FAM83B: variants seen among roughly 807,000 people sequenced by gnomAD.
FAM83B encodes protein FAM83B.
A neutral mutation model predicts 38.8 loss-of-function variants in FAM83B; 26 were observed. The ratio of observed to expected loss-of-function variants is 0.67; its 90% CI spans 0.49 to 0.93. The LOEUF is 0.93. Among genes scored for constraint, FAM83B ranks in the 40% least tolerant of loss-of-function variants. FAM83B has a pLI of 0.00. For missense variants in FAM83B, 1,237 were observed against 1,197.3 expected (o/e 1.03, Z -0.49); for synonymous variants, 419 against 423.1 (o/e 0.99, Z 0.12).
chr6:54,912,547 TAA>T (rs1192185944), intron 2 of FAM83B, among the ~76,000 whole-genome samples: 2 of 151,686 alleles, frequency 1.3e-5, no homozygotes, highest in Admixed American at 6.6e-5. Context: ...AAATATTTTC[TAA>T]GTTTTATAAT....
intron 2 of FAM83B, among the ~76,000 whole-genome samples, chr6:54,886,817 T>A (rs1461892007): frequency 6.6e-6 from 1 of 152,068 alleles, no homozygotes; most frequent in Non-Finnish European, 1.5e-5. Context: ...TTTCAGTGTT[T>A]TAGTTTATAA....
At chr6:54,894,000 G>A (rs931963616) in intron 2 of FAM83B, among the ~76,000 whole-genome samples, 3 of 152,244 alleles carry the variant, frequency 2.0e-5, no homozygotes, top group East Asian at 1.9e-4. Flanking sequence ...ATTTTAACCC[G>A]AGTCAGTATG....
rs1272367364 is a variant in FAM83B, at chr6:54,944,913, G to T, written c.*2906G>T. The T allele has an allele frequency of 6.6e-6, 1 of 152,084 alleles. No homozygotes were observed. Among genetic ancestry groups the T allele is most frequent in the Non-Finnish European group, 1.5e-5 (1 of 68,020 alleles). 9.4% of individuals were successfully genotyped at this position (152,084 alleles called of 1,614,324 possible). ...CAACTTGTTAACTTTTCTTTTTTAA[G>T]AGATGGGTTTTCACTAGTATGCCCA... On this transcript the variant is annotated 3_prime_UTR_variant, in exon 5 of 5. Coordinates refer to ENST00000306858, the MANE Select transcript of FAM83B (RefSeq NM_001010872.3).
At chr6:54,892,223 C>G (rs1476346411) in intron 2 of FAM83B, among the ~76,000 whole-genome samples, 1 of 152,122 alleles carries the variant, frequency 6.6e-6, no homozygotes, top group Non-Finnish European at 1.5e-5. Flanking sequence ...CAACAACCTG[C>G]CTTTCTAGAT....
At chr6:54,914,747 A>G (rs1365795879) in intron 2 of FAM83B, among the ~76,000 whole-genome samples, 6 of 152,050 alleles carry the variant, frequency 3.9e-5, no homozygotes, top group African/African-American at 9.7e-5. Context: ...CTAAGCAGCT[A>G]TTCTGATCTT....
intron 2 of FAM83B, among the ~76,000 whole-genome samples, chr6:54,884,335 G>C (rs570051705): frequency 1.5e-5 from 2 of 135,968 alleles, no homozygotes; most frequent in East Asian, 4.8e-4. Flanking sequence ...AATAGAAAAT[G>C]AGCTGGGTGT....
Position 54,939,655 on chromosome 6 carries a change from T to C in FAM83B, c.735-51T>C. 6.1e-6 allele frequency: 9 copies of C among 1,464,532 alleles called. No individual in the cohort carries two copies. In the South Asian group the frequency reaches 7.0e-5, roughly 11 times the overall value. 90.7% of individuals were successfully genotyped at this position (1,464,532 alleles called of 1,614,324 possible). The stretch of plus-strand genomic sequence containing the variant: ...TGATACTTTTTTTAGTAGAACTATA[T>C]GTTATTATCAATCTTTTAAATGATT... On this transcript the variant is annotated intron_variant, in intron 4 of 4. Coordinates refer to ENST00000306858, the MANE Select transcript of FAM83B (RefSeq NM_001010872.3).
At chr6:54,900,892 T>C (rs774369759) in intron 2 of FAM83B, among the ~76,000 whole-genome samples, 7 of 152,220 alleles carry the variant, frequency 4.6e-5, no homozygotes, top group Non-Finnish European at 5.9e-5. Flanking sequence ...TCCACATGTG[T>C]ATCCAATAAA....
intron 2 of FAM83B, among the ~76,000 whole-genome samples, chr6:54,882,291 G>A (rs1490229972): frequency 1.3e-5 from 2 of 152,142 alleles, no homozygotes; most frequent in Non-Finnish European, 2.9e-5. Context: ...AATGACACCA[G>A]TAACAGCTAA....
At chr6:54,887,041 C>T (rs1040777984) in intron 2 of FAM83B, among the ~76,000 whole-genome samples, 1 of 152,214 alleles carries the variant, frequency 6.6e-6, no homozygotes, top group African/African-American at 2.4e-5. Flanking sequence ...TTGAATTATA[C>T]TGTGATCAGA....
chr6:54,854,453 A>AACC (rs762920233), intron 1 of FAM83B, among the ~76,000 whole-genome samples: 27 of 152,218 alleles, frequency 1.8e-4, no homozygotes, highest in Non-Finnish European at 2.8e-4. Context: ...ACCCTTCAGC[A>AACC]ACCACCACCC....
At chr6:54,939,028 G>A (rs1040755161) in intron 4 of FAM83B, among the ~76,000 whole-genome samples, 3 of 152,038 alleles carry the variant, frequency 2.0e-5, no homozygotes, top group East Asian at 1.9e-4. Flanking sequence ...ATCTTGAGTC[G>A]ATTTTTGCTT....
intron 2 of FAM83B, among the ~76,000 whole-genome samples, chr6:54,921,496 T>C (rs977376833): frequency 6.6e-6 from 1 of 151,984 alleles, no homozygotes; most frequent in Admixed American, 6.6e-5. Flanking sequence ...AAAAATGACC[T>C]GGGGTAGCGT....
chr6:54,848,171 A>G (rs368350449), intron 1 of FAM83B, among the ~76,000 whole-genome samples: 10 of 152,280 alleles, frequency 6.6e-5, no homozygotes, highest in African/African-American at 2.4e-4. Context: ...AAACAGAATG[A>G]TGGAAGGTTG....
chr6:54,906,783 AT>A (rs1239785503), intron 2 of FAM83B, among the ~76,000 whole-genome samples: 1 of 152,200 alleles, frequency 6.6e-6, no homozygotes, highest in Non-Finnish European at 1.5e-5. Context: ...TTAATAGATT[AT>A]TTTTAAAAAT....
chr6:54,890,435 A>T (rs1339083943), intron 2 of FAM83B, among the ~76,000 whole-genome samples: 1 of 152,094 alleles, frequency 6.6e-6, no homozygotes, highest in Non-Finnish European at 1.5e-5. Context: ...CAATAGTAAA[A>T]TTCCTGGAGC....
intron 2 of FAM83B, among the ~76,000 whole-genome samples, chr6:54,908,842 C>T (rs962285047): frequency 6.6e-6 from 1 of 152,036 alleles, no homozygotes; most frequent in African/African-American, 2.4e-5. Flanking sequence ...TTCTGGAACC[C>T]CTCAGGTATA....
At chr6:54,859,751 C>T (rs1188477700) in intron 1 of FAM83B, among the ~76,000 whole-genome samples, 3 of 151,960 alleles carry the variant, frequency 2.0e-5, no homozygotes, top group African/African-American at 7.3e-5. Context: ...GGGTCTGTAC[C>T]CATATGGCTT....
At chr6:54,853,986 T>C (rs1771377807) in intron 1 of FAM83B, among the ~76,000 whole-genome samples, 2 of 152,186 alleles carry the variant, frequency 1.3e-5, no homozygotes, top group Admixed American at 1.3e-4. Flanking sequence ...TGATTCTAAC[T>C]CTTGTAGATG....
Sources: allele counts gnomAD v4.1 joint callset (sites outside exome capture counted in the v4.1 genomes callset), GRCh38; gene constraint gnomAD v4.1.1; transcripts MANE v1.5; gene names NCBI Gene and HGNC (gene_info 2026-07-23, HGNC 2026-07-21).